TCF12: variants seen among roughly 807,000 people sequenced by gnomAD.
TCF12 encodes transcription factor 12.
A neutral mutation model predicts 86.0 loss-of-function variants in TCF12; 45 were observed. The ratio of observed to expected loss-of-function variants is 0.52; its 90% CI spans 0.41 to 0.67. The LOEUF (loss-of-function observed/expected upper bound fraction) is 0.67. TCF12 is among the 30% of genes least tolerant of loss of function. The probability of loss-of-function intolerance (pLI) is 0.00; values close to 1 mark genes in which losing one functional copy is unlikely to be tolerated. For missense variants in TCF12, 881 were observed against 859.9 expected, an observed-to-expected ratio of 1.02 and a Z score of -0.31; for synonymous variants, 330 against 299.6, an observed-to-expected ratio of 1.10 and a Z score of -1.05.
intron 3 of TCF12, among the ~76,000 whole-genome samples, chr15:56,955,396 C>T (rs952236740): frequency 4.6e-5 from 7 of 151,290 alleles, no homozygotes; most frequent in African/African-American, 1.7e-4. Flanking sequence ...CACCCAGGGC[C>T]TGTCGTAGGG....
chr15:57,270,783 CCTTT>C, intron 18 of TCF12, among the ~76,000 whole-genome samples: 1 of 152,290 alleles, frequency 6.6e-6, no homozygotes, highest in Admixed American at 6.5e-5. Context: ...TGATGCTATT[CCTTT>C]CTGTCTGTTA....
chr15:57,161,154 C>T (rs1285672572), intron 5 of TCF12, among the ~76,000 whole-genome samples: 1 of 152,184 alleles, frequency 6.6e-6, no homozygotes, highest in African/African-American at 2.4e-5. Flanking sequence ...CCTGTCCACT[C>T]CCACCTTCAC....
At chr15:57,245,045 T>C (rs1304249973) in intron 13 of TCF12, among the ~76,000 whole-genome samples, 1 of 152,234 alleles carries the variant, frequency 6.6e-6, no homozygotes, top group African/African-American at 2.4e-5. Context: ...CTGGGTAAAG[T>C]TACCATATTC....
intron 6 of TCF12, among the ~76,000 whole-genome samples, chr15:57,169,181 A>C (rs1597011578): frequency 6.6e-6 from 1 of 152,234 alleles, no homozygotes; most frequent in South Asian, 2.1e-4. Context: ...CATATCATTA[A>C]GCTAACTTGT....
At chr15:56,975,798 C>T (rs1343175459) in intron 3 of TCF12, among the ~76,000 whole-genome samples, 10 of 151,854 alleles carry the variant, frequency 6.6e-5, no homozygotes, top group South Asian at 2.1e-4. Context: ...GAGCTTCCTA[C>T]GTATTTATCG....
intron 4 of TCF12, among the ~76,000 whole-genome samples, chr15:57,065,388 A>C (rs1237902000): frequency 6.6e-6 from 1 of 151,978 alleles, no homozygotes; most frequent in African/African-American, 2.4e-5. Context: ...ATTTCCTTCC[A>C]CTCTTAAACG....
chr15:57,171,152 A>G (rs1274136257), intron 6 of TCF12, among the ~76,000 whole-genome samples: 5 of 151,976 alleles, frequency 3.3e-5, no homozygotes, highest in African/African-American at 7.3e-5. Flanking sequence ...GAGAAGAACA[A>G]GGCTACTAGA....
chr15:57,104,040 A>C (rs1292371759), intron 5 of TCF12, among the ~76,000 whole-genome samples: 3 of 152,128 alleles, frequency 2.0e-5, no homozygotes, highest in Non-Finnish European at 4.4e-5. Context: ...ACTTCAAAAT[A>C]GTATTTTGTG....
chr15:57,017,729 T>TTC (rs1555478865), intron 3 of TCF12, among the ~76,000 whole-genome samples: 4 of 149,060 alleles, frequency 2.7e-5, no homozygotes, highest in Admixed American at 2.7e-4. Context: ...TTTCTTTCTT[T>TTC]TTTTTTTTTT....
chr15:56,986,304 A>G lies in TCF12; in HGVS notation c.148+65206A>G, dbSNP rs1240204947. 1.3e-5 allele frequency among the ~76,000 whole-genome samples: 2 copies of G among 152,194 alleles called. 1 individual carries two copies. The highest frequency in any genetic ancestry group is 4.8e-5 in the African/African-American group (2 of 41,464). On this transcript the variant is annotated intron_variant, in intron 3 of 20. Transcript: ENST00000333725. ...TATGTTATCAATGTTGACCAAAATT[A>G]ACTGAATATGGTGACAAAACCAGAG...
chr15:57,256,155 CT>C (rs1183323604), intron 16 of TCF12, among the ~76,000 whole-genome samples: 8 of 152,194 alleles, frequency 5.3e-5, no homozygotes, highest in Non-Finnish European at 2.9e-5. Context: ...TGAAGTAAGC[CT>C]TTTAGCTGTT....
At chr15:57,101,746 T>C (rs1197878214) in intron 5 of TCF12, among the ~76,000 whole-genome samples, 1 of 152,258 alleles carries the variant, frequency 6.6e-6, no homozygotes, top group South Asian at 2.1e-4. Context: ...TACGTATTTG[T>C]TTTTTAGTTT....
Position 56,951,924 on chromosome 15 carries a change from G to A in TCF12, c.148+30826G>A, listed in dbSNP as rs182319342. 3.7e-4 allele frequency among the ~76,000 whole-genome samples: 56 copies of A among 152,160 alleles called. 2 individuals carry two copies. In the East Asian group the frequency reaches 6.4e-3, roughly 17 times the overall value. On this transcript the variant is annotated intron_variant, in intron 3 of 20. Transcript: ENST00000333725. ...TGGGCTTCCAAAGTGCTGGGATTAC[G>A]GGTGCCAGCCACTGCACACGGCCTT... is the stretch of plus-strand genomic sequence containing the variant.
chr15:56,985,695 C>T (rs1206059983), intron 3 of TCF12, among the ~76,000 whole-genome samples: 1 of 152,098 alleles, frequency 6.6e-6, no homozygotes, highest in African/African-American at 2.4e-5. Context: ...TTATTTACCC[C>T]ATAGTACCTA....
chr15:57,040,350 A>G (rs946238188), intron 3 of TCF12, among the ~76,000 whole-genome samples: 13 of 152,310 alleles, frequency 8.5e-5, no homozygotes, highest in African/African-American at 2.9e-4. Flanking sequence ...ATATTTGGTA[A>G]AAAGTAAATT....
At chr15:57,065,272 A>G (rs1280337181) in intron 4 of TCF12, among the ~76,000 whole-genome samples, 2 of 152,204 alleles carry the variant, frequency 1.3e-5, no homozygotes, top group African/African-American at 4.8e-5. Context: ...TATCAACTGT[A>G]TTGTGAACCA....
At chr15:57,002,738 C>G (rs1028505162) in intron 3 of TCF12, among the ~76,000 whole-genome samples, 1 of 152,192 alleles carries the variant, frequency 6.6e-6, no homozygotes, top group African/African-American at 2.4e-5. Flanking sequence ...CATTCTCTGT[C>G]TCTATAAGGT....
intron 18 of TCF12, 67 bp from the exon 19 acceptor site, chr15:57,272,963 T>C: frequency 7.0e-7 from 1 of 1,425,336 alleles, no homozygotes; most frequent in Non-Finnish European, 9.7e-7. Flanking sequence ...GCTTTATAAT[T>C]GTGCACAATC....
At chr15:56,933,177 T>C (rs1236922231) in intron 3 of TCF12, among the ~76,000 whole-genome samples, 1 of 152,218 alleles carries the variant, frequency 6.6e-6, no homozygotes, top group Non-Finnish European at 1.5e-5. Context: ...TGTTTAGTTA[T>C]AAAAACAAGT....
Sources: gnomAD v4.1 joint callset for allele counts (sites outside exome capture counted in the v4.1 genomes callset) on GRCh38, gnomAD v4.1.1 for gene constraint, MANE v1.5 for transcripts, NCBI Gene and HGNC (gene_info 2026-07-23, HGNC 2026-07-21) for gene names.